The following TRPC4 variants were observed in gnomAD, a reference collection of about 807,000 sequenced individuals.
TRPC4 encodes the protein short transient receptor potential channel 4.
A neutral mutation model predicts 99.4 loss-of-function variants in TRPC4; 49 were observed. The observed-to-expected ratio is 0.49, with a 90% confidence interval of 0.39 to 0.63. The LOEUF (loss-of-function observed/expected upper bound fraction) is 0.63. Among genes scored for constraint, TRPC4 ranks in the 20% least tolerant of loss-of-function variants. TRPC4 has a pLI of 0.00. For missense variants in TRPC4, 898 were observed against 1,152.9 expected (o/e 0.78, Z 3.20); for synonymous variants, 454 against 425.9 (o/e 1.07, Z -0.81).
chr13:37,815,516 CAAA>C (rs1169339712), intron 1 of TRPC4, among the ~76,000 whole-genome samples: 1 of 151,714 alleles, frequency 6.6e-6, no homozygotes, highest in African/African-American at 2.4e-5. Context: ...TCAAAAAAGA[CAAA>C]GAAGGGCATT....
At chr13:37,762,775 A>C (rs1363254609) in intron 2 of TRPC4, among the ~76,000 whole-genome samples, 39 of 148,554 alleles carry the variant, frequency 2.6e-4, no homozygotes, top group African/African-American at 8.6e-4. Flanking sequence ...CTAAATGATG[A>C]GTTAATGGGT....
intron 5 of TRPC4, among the ~76,000 whole-genome samples, chr13:37,670,540 C>T (rs1952804759): frequency 1.3e-5 from 2 of 152,158 alleles, no homozygotes; most frequent in Non-Finnish European, 2.9e-5. Context: ...GAATTATTAG[C>T]ATGATTTAAT....
At chr13:37,866,713 C>T (rs1050553692) in intron 1 of TRPC4, among the ~76,000 whole-genome samples, 1 of 151,418 alleles carries the variant, frequency 6.6e-6, no homozygotes, top group Non-Finnish European at 1.5e-5. Flanking sequence ...GGGGTCAATG[C>T]CTCTGGAAGG....
At chr13:37,768,817 A>G (rs1055202304) in intron 2 of TRPC4, among the ~76,000 whole-genome samples, 1 of 150,996 alleles carries the variant, frequency 6.6e-6, no homozygotes, top group Non-Finnish European at 1.5e-5. Flanking sequence ...AGAAGCAAAG[A>G]CTCCCAGTAG....
chr13:37,664,741 G>T (rs185523039), intron 5 of TRPC4, among the ~76,000 whole-genome samples: 11 of 152,236 alleles, frequency 7.2e-5, no homozygotes, highest in Admixed American at 3.3e-4. Flanking sequence ...AAGAAAGTTA[G>T]TGCTACTCTG....
intron 1 of TRPC4, among the ~76,000 whole-genome samples, chr13:37,847,902 G>A (rs1176934687): frequency 6.6e-6 from 1 of 152,058 alleles, no homozygotes; most frequent in African/African-American, 2.4e-5. Flanking sequence ...AAATGGGGAG[G>A]TGGTGACCAA....
chr13:37,669,114 A>T (rs763471093), intron 5 of TRPC4, among the ~76,000 whole-genome samples: 2 of 152,186 alleles, frequency 1.3e-5, no homozygotes, highest in African/African-American at 2.4e-5. Flanking sequence ...ATTTAGAAGA[A>T]TGGTGCTATA....
chr13:37,823,209 C>G (rs1198645776), intron 1 of TRPC4, among the ~76,000 whole-genome samples: 1 of 148,216 alleles, frequency 6.7e-6, no homozygotes, highest in Non-Finnish European at 1.5e-5. Context: ...AATTTTCTCC[C>G]ATTTTGTAGG....
At chr13:37,689,986 T>C (rs1052311294) in intron 4 of TRPC4, among the ~76,000 whole-genome samples, 3 of 152,216 alleles carry the variant, frequency 2.0e-5, no homozygotes, top group Non-Finnish European at 4.4e-5. Context: ...AAGGAAAGAT[T>C]AGGACTACTC....
intron 2 of TRPC4, among the ~76,000 whole-genome samples, chr13:37,769,232 A>ATT (rs896092156): frequency 2.0e-5 from 3 of 151,432 alleles, no homozygotes; most frequent in African/African-American, 7.3e-5. Context: ...CTATACATAT[A>ATT]TTTTTGAAAG....
chr13:37,743,606 G>A (rs1004267617), intron 3 of TRPC4, among the ~76,000 whole-genome samples: 1 of 152,150 alleles, frequency 6.6e-6, no homozygotes, highest in African/African-American at 2.4e-5. Flanking sequence ...TGACACCTGG[G>A]AATCCCAAGT....
intron 1 of TRPC4, 88 bp from the exon 2 acceptor site, chr13:37,783,448 T>G (rs1956895430): frequency 1.2e-5 from 13 of 1,057,030 alleles, no homozygotes; most frequent in Non-Finnish European, 1.7e-5. Context: ...CACAGTGATA[T>G]CAATAACAAC....
At chr13:37,638,268 A>G (rs1440524517) in intron 10 of TRPC4, among the ~76,000 whole-genome samples, 5 of 151,878 alleles carry the variant, frequency 3.3e-5, no homozygotes, top group African/African-American at 9.7e-5. Flanking sequence ...CTAAAGCAAC[A>G]TGAATCATTT....
chr13:37,865,686 T>C (rs1959696114), intron 1 of TRPC4, among the ~76,000 whole-genome samples: 1 of 151,692 alleles, frequency 6.6e-6, no homozygotes, highest in African/African-American at 2.4e-5. Context: ...TTTATGAAAC[T>C]TGTTAAAAGA....
chr13:37,682,627 A>T (rs1305466618), intron 4 of TRPC4, among the ~76,000 whole-genome samples: 1 of 152,112 alleles, frequency 6.6e-6, no homozygotes, highest in Non-Finnish European at 1.5e-5. Context: ...AGGCATCAGG[A>T]CCCTATCTGT....
chr13:37,745,979 A>G lies in TRPC4; in HGVS notation c.855T>C (p.Asp285=), dbSNP rs139146416. Residue 285 remains aspartate, a synonymous_variant, in exon 3 of 11, where the codon GAT becomes GAC. Coordinates refer to ENST00000379705, the MANE Select transcript of TRPC4 (RefSeq NM_016179.4). ...NSLIEEQSGN[D]LARLKLAIKY... ...TAATGGCCAATTTTAGTCTTGCAAG[A>G]TCATTTCCACTTTGTTCTTCTATGA... The G allele has an allele frequency of 1.9e-6, 3 of 1,613,720 alleles. No individual in the cohort carries two copies. Among genetic ancestry groups the G allele is most frequent in the Non-Finnish European group, 2.5e-6 (3 of 1,179,774 alleles).
At chr13:37,752,366 A>T (rs1206256650) in intron 2 of TRPC4, among the ~76,000 whole-genome samples, 1 of 151,834 alleles carries the variant, frequency 6.6e-6, no homozygotes, top group African/African-American at 2.4e-5. Flanking sequence ...GGTATTCCAC[A>T]CATGACACAT....
intron 1 of TRPC4, among the ~76,000 whole-genome samples, chr13:37,783,946 G>A (rs1956909933): frequency 6.6e-6 from 1 of 152,080 alleles, no homozygotes; most frequent in East Asian, 1.9e-4. Context: ...GGGCTCAAGA[G>A]ATCCACCTGC....
chr13:37,676,867 G>A (rs1953074027), intron 4 of TRPC4, among the ~76,000 whole-genome samples: 1 of 151,820 alleles, frequency 6.6e-6, no homozygotes, highest in African/African-American at 2.4e-5. Flanking sequence ...GTATAATATT[G>A]GACAGAAAGT....
Sources: gnomAD v4.1 joint callset for allele counts (sites outside exome capture counted in the v4.1 genomes callset) on GRCh38, gnomAD v4.1.1 for gene constraint, MANE v1.5 for transcripts, NCBI Gene and HGNC (gene_info 2026-07-23, HGNC 2026-07-21) for gene names.